KIF3C: variants seen among roughly 807,000 people sequenced by gnomAD.
The protein encoded by KIF3C is kinesin family member 3C.
KIF3C carries 12 observed loss-of-function variants against 67.7 expected under a neutral mutation model. The ratio of observed to expected loss-of-function variants is 0.18; its 90% CI spans 0.11 to 0.29. The LOEUF is 0.29. Among genes scored for constraint, KIF3C ranks in the 10% least tolerant of loss-of-function variants. The pLI is 1.00. For missense variants in KIF3C, 789 were observed against 1,059.6 expected, an observed-to-expected ratio of 0.74 and a Z score of 3.55; for synonymous variants, 393 against 426.2, an observed-to-expected ratio of 0.92 and a Z score of 0.96.
At chr2:25,964,744 C>T (rs1664098706) in intron 1 of KIF3C, among the ~76,000 whole-genome samples, 1 of 152,226 alleles carries the variant, frequency 6.6e-6, no homozygotes, top group South Asian at 2.1e-4. Context: ...AAGTCCTTCT[C>T]ACTCAAAGGC....
At chr2:25,963,403 T>G (rs1664058493) in intron 1 of KIF3C, among the ~76,000 whole-genome samples, 1 of 148,348 alleles carries the variant, frequency 6.7e-6, no homozygotes, top group Non-Finnish European at 1.5e-5. Flanking sequence ...AGACAGGGTT[T>G]TGCCATGTTG....
At chr2:25,963,495 A>C (rs1413551922) in intron 1 of KIF3C, among the ~76,000 whole-genome samples, 1 of 150,148 alleles carries the variant, frequency 6.7e-6, no homozygotes, top group Non-Finnish European at 1.5e-5. Context: ...TCCCAGCCTA[A>C]TTTTTTGCTT....
intron 1 of KIF3C, 115 bp from the exon 2 acceptor site, chr2:25,956,559 T>C: frequency 2.7e-6 from 2 of 739,120 alleles, no homozygotes; most frequent in Non-Finnish European, 4.7e-6. Flanking sequence ...ACCAGATGTG[T>C]CCCAGATGGG....
chr2:25,954,944 C>T (rs1663768512), intron 3 of KIF3C, among the ~76,000 whole-genome samples: 1 of 152,200 alleles, frequency 6.6e-6, no homozygotes, highest in South Asian at 2.1e-4. Flanking sequence ...GCCACAGTGG[C>T]AGTGCCTCTG....
chr2:25,941,797 T>C (rs1010004229), intron 5 of KIF3C, among the ~76,000 whole-genome samples: 8 of 151,598 alleles, frequency 5.3e-5, no homozygotes, highest in Non-Finnish European at 1.2e-4. Flanking sequence ...GAGGCTGAGG[T>C]GGGAGGATCA....
At chr2:25,950,381 C>T (rs1052185256) in intron 5 of KIF3C, among the ~76,000 whole-genome samples, 2 of 151,740 alleles carry the variant, frequency 1.3e-5, no homozygotes, top group South Asian at 4.2e-4. Flanking sequence ...CCACGCCCAG[C>T]TAATTTTTTT....
chr2:25,963,526 A>C (rs1664061609), intron 1 of KIF3C, among the ~76,000 whole-genome samples: 1 of 151,458 alleles, frequency 6.6e-6, no homozygotes, highest in African/African-American at 2.4e-5. Flanking sequence ...CTTTCTTAGA[A>C]AGGAATTTCA....
intron 1 of KIF3C, among the ~76,000 whole-genome samples, chr2:25,978,105 C>T (rs1023177812): frequency 1.3e-5 from 2 of 152,074 alleles, no homozygotes; most frequent in African/African-American, 4.8e-5. Flanking sequence ...AGGCGGTTGC[C>T]CTGAGTCACA....
chr2:25,941,116 T>TAA (rs1553713789), intron 5 of KIF3C, among the ~76,000 whole-genome samples: 1 of 151,788 alleles, frequency 6.6e-6, no homozygotes, highest in Non-Finnish European at 1.5e-5. Context: ...GGCAACATAG[T>TAA]GAGACCCCCG....
At chr2:25,963,198 T>TATATATATATA (rs56124128) in intron 1 of KIF3C, among the ~76,000 whole-genome samples, 4 of 26,574 alleles carry the variant, frequency 1.5e-4, no homozygotes, top group African/African-American at 1.0e-3. Flanking sequence ...ATATATATAT[T>TATATATATATA]TTTTTTTTTT....
chr2:25,969,722 TTG>T (rs201585789), intron 1 of KIF3C, among the ~76,000 whole-genome samples: 1,781 of 140,000 alleles, frequency 0.013, 20 homozygotes, highest in Non-Finnish European at 0.02. Context: ...TGTTGGGTTT[TTG>T]TTTTTTTTTT....
At chr2:25,930,260 C>T (rs574689445) in intron 5 of KIF3C, among the ~76,000 whole-genome samples, 197 bp from the exon 6 acceptor site, 10 of 152,328 alleles carry the variant, frequency 6.6e-5, no homozygotes, top group African/African-American at 2.2e-4. Context: ...TTTCGCTTTC[C>T]ACAGTCTCAG....
chr2:25,973,950 C>T (rs1664344441), intron 1 of KIF3C, among the ~76,000 whole-genome samples: 1 of 152,180 alleles, frequency 6.6e-6, no homozygotes, highest in South Asian at 2.1e-4. Flanking sequence ...TTTAATATAT[C>T]AGGAAGGTGG....
rs1334634209 is a variant in KIF3C at position 25,955,803 on chromosome 2, C to T, written c.1648-140G>A. On this transcript the variant is annotated intron_variant, in intron 2 of 7. Coordinates refer to ENST00000264712, the MANE Select transcript of KIF3C (RefSeq NM_002254.8). The surrounding 1 kb of genome is among the most constrained non-coding windows in gnomAD (Gnocchi z 5.0). ...CATGGCCCACATCCACTGCTCCCAC[C>T]CAATCCTGCAGAGCCCCTGGGAACC... 1.0e-6 allele frequency: 1 copy of T among 967,930 alleles called. No individual in the cohort carries two copies. Among genetic ancestry groups the T allele is most frequent in the Non-Finnish European group, 1.5e-6 (1 of 656,360 alleles). 60.0% of individuals were successfully genotyped at this position (967,930 alleles called of 1,614,324 possible).
chr2:25,929,093 C>A (rs773532295), intron 7 of KIF3C, 22 bp from the exon 8 acceptor site: 12 of 1,600,052 alleles, frequency 7.5e-6, no homozygotes. Context: ...ATGACGCAGG[C>A]GAAAGGGGAG....
chr2:25,963,192 ATATATTTTTT>A (rs1405176133), intron 1 of KIF3C, among the ~76,000 whole-genome samples: 112 of 54,216 alleles, frequency 2.1e-3, no homozygotes, highest in African/African-American at 0.014. Context: ...ATATATATAT[ATATATTTTTT>A]TTTTTTTTTT....
chr2:25,963,588 A>G (rs1359794621), intron 1 of KIF3C, among the ~76,000 whole-genome samples: 1 of 151,860 alleles, frequency 6.6e-6, no homozygotes, highest in African/African-American at 2.4e-5. Context: ...CATATTGTCA[A>G]TTATCATTCT....
chr2:25,930,746 T>C (rs2090452311), intron 5 of KIF3C, among the ~76,000 whole-genome samples: 1 of 151,774 alleles, frequency 6.6e-6, no homozygotes, highest in South Asian at 2.1e-4. Context: ...TCCATGTTGG[T>C]CAGGCTGGTC....
chr2:25,957,817 T>A (rs561438213), intron 1 of KIF3C, among the ~76,000 whole-genome samples: 1 of 152,196 alleles, frequency 6.6e-6, no homozygotes, highest in Non-Finnish European at 1.5e-5. Flanking sequence ...ACGAGCTTCA[T>A]TCCAGCCCCA....
Sources: gnomAD v4.1 joint callset for allele counts (sites outside exome capture counted in the v4.1 genomes callset) on GRCh38, gnomAD v4.1.1 for gene constraint, Gnocchi (gnomAD v3.1) non-coding constraint, MANE v1.5 for transcripts, NCBI Gene and HGNC (gene_info 2026-07-23, HGNC 2026-07-21) for gene names.